PTGES3L: variants seen among roughly 807,000 people sequenced by gnomAD.
PTGES3L encodes the protein prostaglandin E synthase 3 like.
A neutral mutation model predicts 25.0 loss-of-function variants in PTGES3L; 17 were observed. That is an observed-to-expected ratio of 0.68 (90% CI 0.47 to 1.02). The LOEUF is 1.02. PTGES3L is among the 50% of genes least tolerant of loss of function. The pLI is 0.00. For synonymous variants in PTGES3L, 59 were observed against 65.7 expected (o/e 0.90, Z 0.50); for missense variants, 202 against 197.5 (o/e 1.02, Z -0.14).
In PTGES3L at chr17:42,979,535, C is replaced by G; in HGVS notation, c.122+15G>C. 1.2e-6 allele frequency: 2 copies of G among 1,614,086 alleles called. No homozygotes were observed. Among genetic ancestry groups the G allele is most frequent in the Non-Finnish European group, 8.5e-7 (1 of 1,179,988 alleles). ...ATTCCTGGGAAGCCAGGCCCTCGGA[C>G]GGCAGGGCCACTACCTGAACACAAT... On this transcript the variant is annotated intron_variant, in intron 2 of 6. Coordinates refer to ENST00000591916, the MANE Select transcript of PTGES3L (RefSeq NM_001261430.2).
intron 4 of PTGES3L, among the ~76,000 whole-genome samples, chr17:42,973,733 T>G (rs1277880602): frequency 2.0e-5 from 3 of 149,540 alleles, no homozygotes; most frequent in African/African-American, 7.4e-5. Flanking sequence ...CTGTGTCCAC[T>G]CAGGGTTAAA....
Position 42,977,692 on chromosome 17 carries a change from AAAAG to A in PTGES3L, c.288+1474_288+1477del, listed in dbSNP as rs57809818. Among the ~76,000 whole-genome samples, 559 of 136,482 alleles carry A rather than the reference AAAAG, an allele frequency of 4.1e-3. 4 individuals carry two copies. The highest frequency in any genetic ancestry group is 0.014 in the African/African-American group (517 of 37,958). 89.5% of individuals were successfully genotyped at this position (136,482 alleles called of 152,430 possible). A position where few individuals can be genotyped will look rare whatever the true frequency, so the allele number is the denominator to read the frequency against. On this transcript the variant is annotated intron_variant, in intron 4 of 6. Transcript: ENST00000591916. ...GGGAGAGAGAGAGAGAGAAAGAAAG[AAAAG>A]AAAGAAAGAAAGAAAGAAAAGAAAG...
At chr17:42,972,048 C>T (rs1427677012) in intron 4 of PTGES3L, 4 of 230,290 alleles carry the variant, frequency 1.7e-5, no homozygotes, top group South Asian at 6.0e-5. Context: ...ATTATCCGGG[C>T]GTGGTGACGG....
In PTGES3L at chr17:42,970,339, A is replaced by G. The variant is rs776003345; in HGVS notation, c.382T>C (p.Leu128=). 13 of 1,613,706 alleles carry G rather than the reference A, an allele frequency of 8.1e-6. No homozygotes were observed. The African/African-American group carries it at 1.6e-4, about 20-fold the overall frequency. Residue 128 remains leucine, a synonymous_variant, in exon 6 of 7, where the codon TTG becomes CTG. Coordinates refer to ENST00000591916, the MANE Select transcript of PTGES3L (RefSeq NM_001261430.2). ...LAHVEHYAEL[L]KKVSTKRPPP... ...GGTCTCTTGGTGCTGACCTTCTTCA[A>G]AAGCTAGTGGGAAGAAAAAATAATC...
At chr17:42,979,504 G>A (rs1248400931) in intron 2 of PTGES3L, 46 bp downstream of exon 2, 3 of 1,614,014 alleles carry the variant, frequency 1.9e-6, no homozygotes, top group East Asian at 2.2e-5. Flanking sequence ...ATTAGGAAAG[G>A]GGTAGATTCC....
At chr17:42,979,491 GA>G in intron 2 of PTGES3L, 47 bp from the exon 3 acceptor site, 2 of 1,614,172 alleles carry the variant, frequency 1.2e-6, no homozygotes, top group Non-Finnish European at 1.7e-6. Flanking sequence ...TCCGTGTGGG[GA>G]CATTAGGAAA....
intron 4 of PTGES3L, chr17:42,972,187 CAAAAA>C (rs10598383): frequency 5.5e-5 from 3 of 55,024 alleles, no homozygotes; most frequent in Non-Finnish European, 7.3e-5. Context: ...GACTGCATCT[CAAAAA>C]AAAAAAAAAA....
rs565889977 is a variant in PTGES3L, at chr17:42,978,043, C to T, written c.288+1127G>A. Among the ~76,000 whole-genome samples the T allele has an allele frequency of 9.5e-4, 122 of 128,598 alleles. 7 individuals are homozygous for T. In the South Asian group the frequency reaches 0.028, roughly 29 times the overall value. 84.4% of individuals were successfully genotyped at this position (128,598 alleles called of 152,430 possible). A position where few individuals can be genotyped will look rare whatever the true frequency, so the allele number is the denominator to read the frequency against. ...AGTGAGCTGCGATCATGCCATTGCA[C>T]TCCAGCCTGGGCAACAAGAGCGAAA... On this transcript the variant is annotated intron_variant, in intron 4 of 6. Transcript: ENST00000591916.
rs1205506080 is a variant in PTGES3L, at chr17:42,979,048, A to G, written c.288+122T>C. 3 of 998,498 alleles carry G rather than the reference A, an allele frequency of 3.0e-6. No individual in the cohort carries two copies. In the African/African-American group the frequency reaches 4.9e-5, roughly 16 times the overall value. The allele number at this position is 998,498 out of a possible 1,614,324, so 61.9% of individuals were successfully genotyped here. A position where few individuals can be genotyped will look rare whatever the true frequency, so the allele number is the denominator to read the frequency against. On this transcript the variant is annotated intron_variant, in intron 4 of 6. Coordinates refer to ENST00000591916, the MANE Select transcript of PTGES3L (RefSeq NM_001261430.2). ...TAAAAAGAGAGACTAATACAGTTGGAAAAAAAAGATTAGGCAGGACTTGTT... is the reference window on the plus strand; with the variant it reads ...TAAAAAGAGAGACTAATACAGTTGGGAAAAAAAGATTAGGCAGGACTTGTT...
intron 5 of PTGES3L, 78 bp downstream of exon 5, chr17:42,971,529 C>A: frequency 6.5e-7 from 1 of 1,536,760 alleles, no homozygotes; most frequent in Non-Finnish European, 8.9e-7. Flanking sequence ...GCCCCAGTGA[C>A]AATCCTCCAG....
At chr17:42,969,790 C>G (rs561729284) in intron 6 of PTGES3L, among the ~76,000 whole-genome samples, 6 of 152,022 alleles carry the variant, frequency 3.9e-5, no homozygotes, top group Non-Finnish European at 8.8e-5. Flanking sequence ...AGATGGAAAG[C>G]AGGAGGGTCT....
chr17:42,970,334 C>T lies in PTGES3L; in HGVS notation c.387G>A (p.Lys129=). 4 of 1,613,792 alleles carry T rather than the reference C, an allele frequency of 2.5e-6. No homozygotes were observed. The highest frequency in any genetic ancestry group is 3.4e-6 in the Non-Finnish European group (4 of 1,179,808). ...AHVEHYAELL[K]KVSTKRPPPA... is the part of the protein sequence containing the mutation. ...GTGGAGGTCTCTTGGTGCTGACCTTCTTCAAAAGCTAGTGGGAAGAAAAAA... is the reference window on the plus strand; with the variant it reads ...GTGGAGGTCTCTTGGTGCTGACCTTTTTCAAAAGCTAGTGGGAAGAAAAAA... Residue 129 remains lysine (K), a synonymous_variant, in exon 6 of 7, where the codon AAG becomes AAA. Coordinates refer to ENST00000591916, the MANE Select transcript of PTGES3L (RefSeq NM_001261430.2).
intron 6 of PTGES3L, 110 bp from the exon 7 acceptor site, chr17:42,969,296 G>T: frequency 4.6e-6 from 3 of 653,042 alleles, no homozygotes; most frequent in Non-Finnish European, 7.3e-6. Context: ...TTCTTTTTGT[G>T]ATTTCCTAAA....
At chr17:42,977,884 G>C (rs1351105302) in intron 4 of PTGES3L, among the ~76,000 whole-genome samples, 1 of 151,522 alleles carries the variant, frequency 6.6e-6, no homozygotes, top group Non-Finnish European at 1.5e-5. Flanking sequence ...TTTGAGACCA[G>C]CCTGGCCAAC....
chr17:42,979,955 G>A (rs2050045397), intron 1 of PTGES3L, 91 bp downstream of exon 1: 2 of 1,467,190 alleles, frequency 1.4e-6, no homozygotes, highest in Admixed American at 2.5e-5. Flanking sequence ...CTCCCGTGGG[G>A]CCTCACAGAA....
chr17:42,979,433 G>T lies in PTGES3L; in HGVS notation c.134C>A (p.Ala45Asp), dbSNP rs2050031388. 6.2e-7 allele frequency: 1 copy of T among 1,614,128 alleles called. No individual in the cohort carries two copies. The highest frequency in any genetic ancestry group is 8.5e-7 in the Non-Finnish European group (1 of 1,180,022). The change falls in exon 3 of 7, where the codon GCC becomes GAC. Residue 45 changes from alanine to aspartate, a missense_variant. Transcript: ENST00000591916. ...DHRIVFSCKNADGVELYNEIE... is the reference protein window; with the variant it reads ...DHRIVFSCKNDDGVELYNEIE... ...CTCATTGTACAACTCCACTCCATCGGCATTCTTGCAGCTGAGGAGACAATG... is the reference window on the plus strand; with the variant it reads ...CTCATTGTACAACTCCACTCCATCGTCATTCTTGCAGCTGAGGAGACAATG...
At position 42,968,919 on chromosome 17, in the gene PTGES3L, C is replaced by G. The variant is rs1488563554; in HGVS notation, c.*229G>C. 2.1e-6 allele frequency: 1 copy of G among 482,402 alleles called. No homozygotes were observed. Among genetic ancestry groups the G allele is most frequent in the Non-Finnish European group, 3.7e-6 (1 of 270,144 alleles). 29.9% of individuals were successfully genotyped at this position (482,402 alleles called of 1,614,324 possible). Reference sequence around the variant, plus strand: ...ACCAATCAGTAAGAAATCAGAAGCCCTACCAGTCTACCCCTCCCCGACCCT... The same window carrying G: ...ACCAATCAGTAAGAAATCAGAAGCCGTACCAGTCTACCCCTCCCCGACCCT... On this transcript the variant is annotated 3_prime_UTR_variant, in exon 7 of 7. Coordinates refer to ENST00000591916, the MANE Select transcript of PTGES3L (RefSeq NM_001261430.2).
rs762036379 is a variant in PTGES3L, at chr17:42,979,625, T to C, written c.47A>G (p.Tyr16Cys). 1.2e-6 allele frequency: 2 copies of C among 1,614,078 alleles called. No individual in the cohort carries two copies. Among genetic ancestry groups the C allele is most frequent in the South Asian group, 1.1e-5 (1 of 91,076 alleles). The change falls in exon 2 of 7, where the codon TAT becomes TGT. Residue 16 changes from tyrosine to cysteine, a missense_variant. By Grantham distance (194) the Tyr-to-Cys change is radical. Coordinates refer to ENST00000591916, the MANE Select transcript of PTGES3L (RefSeq NM_001261430.2). ...ARTLWYDRPR[Y>C]VFMEFCVEDS... Reference sequence around the variant, plus strand: ...CTCAACACAAAACTCCATGAACACATACCTGGGCCTGTCGTACCACAAGGT... The same window carrying C: ...CTCAACACAAAACTCCATGAACACACACCTGGGCCTGTCGTACCACAAGGT...
At chr17:42,974,915 G>A (rs1313728982) in intron 4 of PTGES3L, among the ~76,000 whole-genome samples, 2 of 151,820 alleles carry the variant, frequency 1.3e-5, no homozygotes, top group East Asian at 1.9e-4. Flanking sequence ...CACATCAATT[G>A]CTTGAGCCCA....
Sources: gnomAD v4.1 joint callset for allele counts (sites outside exome capture counted in the v4.1 genomes callset) on GRCh38, gnomAD v4.1.1 for gene constraint, MANE v1.5 for transcripts, NCBI Gene and HGNC (gene_info 2026-07-23, HGNC 2026-07-21) for gene names.